ZNF529: variants seen among roughly 807,000 people sequenced by gnomAD.
ZNF529 encodes the protein zinc finger protein 529.
Under a neutral mutation model 10.1 loss-of-function variants are expected in ZNF529, and 11 were observed. That is an observed-to-expected ratio of 1.09 (90% CI 0.69 to 1.81). The LOEUF (loss-of-function observed/expected upper bound fraction) is 1.81, where lower values mean the gene tolerates loss of function less well. ZNF529 is among the 40% of genes most tolerant of loss of function. The pLI, the probability that ZNF529 is intolerant of heterozygous loss-of-function variation, is 0.00. For missense variants in ZNF529, 624 were observed against 666.8 expected, an observed-to-expected ratio of 0.94 and a Z score of 0.71; for synonymous variants, 204 against 215.7, an observed-to-expected ratio of 0.95 and a Z score of 0.47.
chr19:36,589,689 C>T (rs2036662071), exon 2 of ZNF529: 1 of 150,764 alleles, frequency 6.6e-6, no homozygotes, highest in African/African-American at 2.5e-5. Context: ...TTTTAACATC[C>T]ATCTCTCAGC....
chr19:36,573,485 C>G, upstream of ZNF529: 1 of 471,004 alleles, frequency 2.1e-6, no homozygotes. Context: ...CTGCGCGTCC[C>G]CTAGGCGCGG....
Position 36,583,056 on chromosome 19 carries a change from A to ATTGT in ZNF529, c.-41+6555_-41+6558dup, listed in dbSNP as rs71171458. ...TAGAAAAACAGAAAGTCTGTATCTA[A>ATTGT]TTGTTTGTTTGTTTGTTTGTTTGGA... On this transcript the variant is annotated intron_variant, in intron 2 of 4. Transcript: ENST00000585960. Among the ~76,000 whole-genome samples, 460 of 151,336 alleles carry ATTGT rather than the reference A, an allele frequency of 3.0e-3. 3 individuals are homozygous for ATTGT. The highest frequency in any genetic ancestry group is 0.01 in the African/African-American group (425 of 41,214).
At chr19:36,566,169 A>AAAC (rs951231929) in intron 2 of ZNF529, among the ~76,000 whole-genome samples, 26 of 152,174 alleles carry the variant, frequency 1.7e-4, no homozygotes, top group African/African-American at 5.8e-4. Flanking sequence ...ACTAGTGGGA[A>AAAC]AACAACAACA....
chr19:36,552,766 A>C (rs2035312605), intron 4 of ZNF529, among the ~76,000 whole-genome samples: 1 of 152,232 alleles, frequency 6.6e-6, no homozygotes, highest in Admixed American at 6.5e-5. Flanking sequence ...GAATTGGCTA[A>C]AGTTTTACTA....
intron 3 of ZNF529, 74 bp downstream of exon 3, chr19:36,556,030 C>G: frequency 6.8e-7 from 1 of 1,475,628 alleles, no homozygotes; most frequent in Non-Finnish European, 9.2e-7. Context: ...GGTACAGGTT[C>G]TTTGACAGAG....
chr19:36,551,925 G>A (rs183518831), intron 4 of ZNF529: 1 of 152,228 alleles, frequency 6.6e-6, no homozygotes, highest in East Asian at 1.9e-4. Context: ...CATGAGAGCA[G>A]GGTCTGTATT....
rs1331418054 is a variant in ZNF529, at chr19:36,545,332, A to T, written c.*1534T>A. ...CACCTGAGGTCGGGAGTTTGAGACC[A>T]GACTGACCAACACGGAGATATCCCG... is the stretch of plus-strand genomic sequence containing the variant. On this transcript the variant is annotated 3_prime_UTR_variant, in exon 5 of 5. Coordinates refer to ENST00000591340, the MANE Select transcript of ZNF529 (RefSeq NM_020951.5). 1.3e-5 allele frequency: 2 copies of T among 152,274 alleles called. No individual in the cohort carries two copies. Among genetic ancestry groups the T allele is most frequent in the Non-Finnish European group, 2.9e-5 (2 of 68,160 alleles). The allele number at this position is 152,274 out of a possible 1,614,324, so 9.4% of individuals were successfully genotyped here. A position where few individuals can be genotyped will look rare whatever the true frequency, so the allele number is the denominator to read the frequency against.
In ZNF529 at chr19:36,546,748, A is replaced by T. The variant is rs757699878; in HGVS notation, c.*118T>A. ...TACGTCTACATACAGAATGACCATG[A>T]AGTCTAAAAACAGACTTTAAGAGAG... On this transcript the variant is annotated 3_prime_UTR_variant, in exon 5 of 5. Coordinates refer to ENST00000591340, the MANE Select transcript of ZNF529 (RefSeq NM_020951.5). The T allele has an allele frequency of 1.9e-6, 2 of 1,064,164 alleles. No homozygotes were observed. The highest frequency in any genetic ancestry group is 3.2e-5 in the African/African-American group (2 of 62,626). The allele number at this position is 1,064,164 out of a possible 1,614,324, so 65.9% of individuals were successfully genotyped here.
intron 1 of ZNF529, among the ~76,000 whole-genome samples, chr19:36,597,487 A>C (rs1470003161): frequency 6.6e-6 from 1 of 152,204 alleles, no homozygotes; most frequent in Non-Finnish European, 1.5e-5. Flanking sequence ...AAGTACAACC[A>C]CAGTGGAAAT....
chr19:36,596,232 C>A (rs1255825479), intron 1 of ZNF529, among the ~76,000 whole-genome samples: 2 of 151,714 alleles, frequency 1.3e-5, no homozygotes, highest in Non-Finnish European at 2.9e-5. Flanking sequence ...TGCCACCACA[C>A]CTGGCTAATT....
chr19:36,596,300 C>G (rs1195281656), intron 1 of ZNF529, among the ~76,000 whole-genome samples: 2 of 151,888 alleles, frequency 1.3e-5, no homozygotes, highest in Non-Finnish European at 2.9e-5. Context: ...TCTCGAACTC[C>G]TGACCTCGTG....
rs1372505948 is a variant in ZNF529, at chr19:36,547,095, C to A, written c.1463G>T (p.Arg488Ile). ...ATGTTCTGTAAGGGCTGAACTATGTCTAAAGGCCTTCCCACATACCTTACA... is the reference window on the plus strand; with the variant it reads ...ATGTTCTGTAAGGGCTGAACTATGTATAAAGGCCTTCCCACATACCTTACA... ...YECKVCGKAF[R>I]HSSALTEHQR... Residue 488 changes from arginine (R) to isoleucine (I), a missense_variant, in exon 5 of 5, where the codon AGA (arginine) becomes ATA (isoleucine). By Grantham distance (97) the Arg-to-Ile change is moderately conservative. Coordinates refer to ENST00000591340, the MANE Select transcript of ZNF529 (RefSeq NM_020951.5). 1 of 1,613,822 alleles carries A rather than the reference C, an allele frequency of 6.2e-7. No individual in the cohort carries two copies. Among genetic ancestry groups the A allele is most frequent in the African/African-American group, 1.3e-5 (1 of 74,892 alleles).
chr19:36,556,995 A>T (rs1259031958), intron 2 of ZNF529, among the ~76,000 whole-genome samples: 2 of 152,222 alleles, frequency 1.3e-5, no homozygotes, highest in African/African-American at 4.8e-5. Context: ...TGCCAGACAG[A>T]AACTGAGAGA....
intron 2 of ZNF529, among the ~76,000 whole-genome samples, chr19:36,570,360 C>CAAAAAAA (rs58429405): frequency 2.8e-5 from 2 of 70,578 alleles, no homozygotes; most frequent in Non-Finnish European, 5.7e-5. Flanking sequence ...GACCCTATCT[C>CAAAAAAA]AAAAAAAAAA....
At chr19:36,580,809 C>T (rs530632888) in intron 2 of ZNF529, 2 of 152,046 alleles carry the variant, frequency 1.3e-5, no homozygotes, top group African/African-American at 4.8e-5. Context: ...TCAGAAAAAA[C>T]ACAATGACAG....
At chr19:36,572,415 G>A (rs1600315441) in intron 1 of ZNF529, 23 bp from the exon 2 acceptor site, 1 of 1,530,890 alleles carries the variant, frequency 6.5e-7, no homozygotes, top group East Asian at 2.5e-5. Context: ...GAGGGAGAAA[G>A]GACTCATGAC....
At chr19:36,587,197 G>A (rs1430880703) in intron 2 of ZNF529, among the ~76,000 whole-genome samples, 2 of 151,808 alleles carry the variant, frequency 1.3e-5, no homozygotes, top group African/African-American at 2.4e-5. Context: ...CCCATGAGGC[G>A]GAGGTTGTAG....
intron 2 of ZNF529, among the ~76,000 whole-genome samples, chr19:36,564,120 T>C (rs1019857539): frequency 6.6e-6 from 1 of 152,212 alleles, no homozygotes; most frequent in Non-Finnish European, 1.5e-5. Context: ...TCAAGTTTGA[T>C]GAAAGCTTAA....
rs1366676315 is a variant in ZNF529 at position 36,545,361 on chromosome 19, C to T, written c.*1505G>A. Reference sequence around the variant, plus strand: ...TGACCAACACGGAGATATCCCGTCTCTACTAAAAATATAAAATTAGCCGGT... The same window carrying T: ...TGACCAACACGGAGATATCCCGTCTTTACTAAAAATATAAAATTAGCCGGT... On this transcript the variant is annotated 3_prime_UTR_variant, in exon 5 of 5. Transcript: ENST00000591340. 1 of 150,926 alleles carries T rather than the reference C, an allele frequency of 6.6e-6. No individual in the cohort carries two copies. Among genetic ancestry groups the T allele is most frequent in the Admixed American group, 6.6e-5 (1 of 15,150 alleles). 9.3% of individuals were successfully genotyped at this position (150,926 alleles called of 1,614,324 possible).
Sources: allele counts gnomAD v4.1 joint callset (sites outside exome capture counted in the v4.1 genomes callset), GRCh38; gene constraint gnomAD v4.1.1; transcripts MANE v1.5; gene names NCBI Gene and HGNC (gene_info 2026-07-23, HGNC 2026-07-21).